Variants in PPARGC1A observed in about 807,000 individuals in gnomAD.
PPARGC1A encodes peroxisome proliferator-activated receptor gamma coactivator 1-alpha.
In PPARGC1A, 25 loss-of-function variants were observed where a neutral mutation model predicts 88.7. The observed-to-expected ratio is 0.28, with a 90% confidence interval of 0.21 to 0.39. PPARGC1A has a LOEUF of 0.39. Ranked by LOEUF, PPARGC1A falls within the 10% of genes least tolerant of loss-of-function variation. PPARGC1A has a pLI of 1.00. For missense variants in PPARGC1A, 880 were observed against 968.7 expected (o/e 0.91, Z 1.22); for synonymous variants, 363 against 355.6 (o/e 1.02, Z -0.24).
chr4:24,280,009 C>T, the PPARGC1A span, among the ~76,000 whole-genome samples: 1 of 152,178 alleles, frequency 6.6e-6, no homozygotes, highest in East Asian at 1.9e-4. Flanking sequence ...CAATATCTAG[C>T]CCATCCGCTC....
the PPARGC1A span, among the ~76,000 whole-genome samples, chr4:24,093,902 A>G: frequency 1.3e-5 from 2 of 152,156 alleles, no homozygotes; most frequent in Non-Finnish European, 2.9e-5. Flanking sequence ...TCTCAGGCAC[A>G]TTATTGTCCA....
chr4:24,246,133 T>C, the PPARGC1A span, among the ~76,000 whole-genome samples: 6 of 152,216 alleles, frequency 3.9e-5, no homozygotes, highest in African/African-American at 1.4e-4. Context: ...TTTTGTCTCA[T>C]AGATTTCCTG....
chr4:24,165,472 T>C, the PPARGC1A span, among the ~76,000 whole-genome samples: 1 of 152,116 alleles, frequency 6.6e-6, no homozygotes, highest in African/African-American at 2.4e-5. Flanking sequence ...GAATACATTG[T>C]TTTATTGTGC....
At chr4:24,003,466 T>C in the PPARGC1A span, among the ~76,000 whole-genome samples, 1 of 152,196 alleles carries the variant, frequency 6.6e-6, no homozygotes, top group Non-Finnish European at 1.5e-5. Flanking sequence ...GGAAGAGGGC[T>C]AGATGTTGGG....
At chr4:24,339,395 A>G in the PPARGC1A span, among the ~76,000 whole-genome samples, 1 of 151,374 alleles carries the variant, frequency 6.6e-6, no homozygotes, top group Non-Finnish European at 1.5e-5. Flanking sequence ...TTCCCATTTC[A>G]GAGACCTACA....
intron 2 of PPARGC1A, among the ~76,000 whole-genome samples, chr4:23,835,329 T>C (rs567825553): frequency 3.3e-5 from 5 of 152,318 alleles, no homozygotes; most frequent in East Asian, 1.9e-4. Flanking sequence ...ACAAATACAA[T>C]GGCAAAAATA....
the PPARGC1A span, among the ~76,000 whole-genome samples, chr4:23,982,339 G>C: frequency 2.0e-5 from 3 of 152,156 alleles, no homozygotes; most frequent in Non-Finnish European, 4.4e-5. Flanking sequence ...TCTAACTCAT[G>C]GTCTAGAGAG....
At chr4:24,184,543 T>G in the PPARGC1A span, among the ~76,000 whole-genome samples, 2 of 152,214 alleles carry the variant, frequency 1.3e-5, no homozygotes, top group African/African-American at 4.8e-5. Context: ...AGGCAGGACC[T>G]AGTTGAAGGC....
At chr4:24,245,822 A>G in the PPARGC1A span, among the ~76,000 whole-genome samples, 2 of 152,084 alleles carry the variant, frequency 1.3e-5, no homozygotes, top group Admixed American at 1.3e-4. Flanking sequence ...TCATATCCCT[A>G]TTCAGATACT....
the PPARGC1A span, among the ~76,000 whole-genome samples, chr4:24,161,961 TACACACACACACACAC>T: frequency 4.4e-3 from 585 of 133,940 alleles, 2 homozygotes; most frequent in African/African-American, 8.8e-3. Context: ...AATTGTGATA[TACACACACACACACAC>T]ACACACACAC....
chr4:23,984,686 A>C, the PPARGC1A span, among the ~76,000 whole-genome samples: 5 of 152,128 alleles, frequency 3.3e-5, no homozygotes, highest in South Asian at 1.0e-3. Context: ...AGGCTTTTCT[A>C]TATGTAATTG....
chr4:24,159,029 T>C, the PPARGC1A span, among the ~76,000 whole-genome samples: 54 of 152,192 alleles, frequency 3.5e-4, no homozygotes, highest in South Asian at 0.01. Context: ...GTACTTAATA[T>C]ATTGCATCTT....
At chr4:24,278,881 C>T in the PPARGC1A span, among the ~76,000 whole-genome samples, 15 of 152,316 alleles carry the variant, frequency 9.8e-5, no homozygotes, top group Non-Finnish European at 1.3e-4. Context: ...CAGAAAGCAT[C>T]CACATCAACA....
chr4:24,148,241 G>C, the PPARGC1A span, among the ~76,000 whole-genome samples: 1 of 152,112 alleles, frequency 6.6e-6, no homozygotes, highest in Non-Finnish European at 1.5e-5. Flanking sequence ...ACCTGCTTTG[G>C]ATCTAAGATG....
chr4:24,078,019 A>T, the PPARGC1A span, among the ~76,000 whole-genome samples: 1 of 151,782 alleles, frequency 6.6e-6, no homozygotes, highest in Non-Finnish European at 1.5e-5. Context: ...GTTCTTTATG[A>T]TAAGTGCAAT....
chr4:24,360,224 A>G, the PPARGC1A span, among the ~76,000 whole-genome samples: 8 of 152,152 alleles, frequency 5.3e-5, no homozygotes, highest in Non-Finnish European at 8.8e-5. Context: ...ACCACGGTCC[A>G]TTTTCCACAA....
chr4:24,137,299 C>T, the PPARGC1A span, among the ~76,000 whole-genome samples: 20 of 151,634 alleles, frequency 1.3e-4, no homozygotes, highest in African/African-American at 4.8e-4. Context: ...GGAAAACAAC[C>T]CTGCCAACAC....
chr4:24,037,032 T>A, the PPARGC1A span, among the ~76,000 whole-genome samples: 1 of 152,160 alleles, frequency 6.6e-6, no homozygotes, highest in African/African-American at 2.4e-5. Flanking sequence ...GATACAAACA[T>A]TGTCAAATAA....
chr4:24,381,823 G>T, the PPARGC1A span, among the ~76,000 whole-genome samples: 1 of 152,172 alleles, frequency 6.6e-6, no homozygotes, highest in African/African-American at 2.4e-5. Flanking sequence ...ACCTGAGGTT[G>T]ATTAGATAAA....
Sources: gnomAD v4.1 joint callset for allele counts (sites outside exome capture counted in the v4.1 genomes callset) on GRCh38, gnomAD v4.1.1 for gene constraint, MANE v1.5 for transcripts, NCBI Gene and HGNC (gene_info 2026-07-23, HGNC 2026-07-21) for gene names.